RAB30: variants seen among roughly 807,000 people sequenced by gnomAD.
RAB30 encodes ras-related protein Rab-30.
RAB30 carries 9 observed loss-of-function variants against 25.1 expected under a neutral mutation model. The ratio of observed to expected loss-of-function variants is 0.36; its 90% CI spans 0.22 to 0.63. The LOEUF (loss-of-function observed/expected upper bound fraction) is 0.63, where lower values mean the gene tolerates loss of function less well. RAB30 is among the 20% of genes least tolerant of loss of function. RAB30 has a pLI of 0.69. For synonymous variants in RAB30, 77 were observed against 86.4 expected (o/e 0.89, Z 0.60); for missense variants, 140 against 243.5 (o/e 0.58, Z 2.83).
At chr11:83,012,478 T>C (rs1857326580) in intron 1 of RAB30, among the ~76,000 whole-genome samples, 1 of 152,210 alleles carries the variant, frequency 6.6e-6, no homozygotes, top group Non-Finnish European at 1.5e-5. Flanking sequence ...TCTTTCTGAA[T>C]GCTCTGAATG....
intron 1 of RAB30, among the ~76,000 whole-genome samples, chr11:83,010,838 A>G (rs941700514): frequency 1.3e-5 from 2 of 152,264 alleles, no homozygotes; most frequent in African/African-American, 4.8e-5. Context: ...AGAACTAGAA[A>G]CAATCAAAAT....
chr11:83,012,910 T>C (rs1028513983), intron 1 of RAB30, among the ~76,000 whole-genome samples: 2 of 152,074 alleles, frequency 1.3e-5, no homozygotes, highest in Non-Finnish European at 1.5e-5. Context: ...GACAGGTTCA[T>C]CCCTTCACAC....
intron 1 of RAB30, among the ~76,000 whole-genome samples, chr11:83,070,842 C>A (rs1858823144): frequency 6.6e-6 from 1 of 152,184 alleles, no homozygotes. Context: ...TTAAAATGAA[C>A]CCCTCTTCCC....
In RAB30 at chr11:82,980,689, A is replaced by G. The variant is rs1481186869; in HGVS notation, c.*1476T>C. 1 of 152,224 alleles carries G rather than the reference A, an allele frequency of 6.6e-6. No individual in the cohort carries two copies. Among genetic ancestry groups the G allele is most frequent in the Non-Finnish European group, 1.5e-5 (1 of 68,034 alleles). The allele number at this position is 152,224 out of a possible 1,614,324, so 9.4% of individuals were successfully genotyped here. ...TGAACAAATTGGAAGCTATCAAAGTATGGCACTGAAGAAAAAGAAACACAT... is the reference window on the plus strand; with the variant it reads ...TGAACAAATTGGAAGCTATCAAAGTGTGGCACTGAAGAAAAAGAAACACAT... On this transcript the variant is annotated 3_prime_UTR_variant, in exon 5 of 5. Transcript: ENST00000527633.
chr11:83,023,120 T>C (rs1857620116), intron 1 of RAB30, among the ~76,000 whole-genome samples: 1 of 152,178 alleles, frequency 6.6e-6, no homozygotes, highest in Non-Finnish European at 1.5e-5. Context: ...ATTTTTCTAA[T>C]AGTTGGGGGA....
intron 1 of RAB30, among the ~76,000 whole-genome samples, chr11:83,053,895 G>A (rs1208478828): frequency 6.6e-6 from 1 of 152,166 alleles, no homozygotes; most frequent in Non-Finnish European, 1.5e-5. Context: ...CCTGAGATCA[G>A]CATGGCCAAC....
At chr11:83,036,146 T>C (rs974736554) in intron 1 of RAB30, among the ~76,000 whole-genome samples, 2 of 150,692 alleles carry the variant, frequency 1.3e-5, no homozygotes, top group African/African-American at 4.9e-5. Flanking sequence ...ACACAGGAAG[T>C]GGCAAAGCTC....
intron 3 of RAB30, among the ~76,000 whole-genome samples, chr11:82,988,239 T>C (rs951801596): frequency 1.3e-5 from 2 of 152,300 alleles, no homozygotes; most frequent in African/African-American, 2.4e-5. Flanking sequence ...ATAGCCAATA[T>C]GTCCCAGAAC....
chr11:83,016,201 G>T (rs1372840397), intron 1 of RAB30, among the ~76,000 whole-genome samples: 3 of 152,210 alleles, frequency 2.0e-5, no homozygotes, highest in Non-Finnish European at 2.9e-5. Context: ...CAACATGAAG[G>T]CCACTGGTTG....
At chr11:82,996,924 A>G (rs763946291) in intron 2 of RAB30, among the ~76,000 whole-genome samples, 4 of 152,158 alleles carry the variant, frequency 2.6e-5, no homozygotes, top group East Asian at 1.9e-4. Context: ...CTTTTATCCA[A>G]TAATTTAGTT....
intron 1 of RAB30, among the ~76,000 whole-genome samples, chr11:83,003,351 C>T (rs1857126370): frequency 6.6e-6 from 1 of 152,222 alleles, no homozygotes; most frequent in South Asian, 2.1e-4. Flanking sequence ...CATCTATCAT[C>T]TCTTTCCCTA....
At chr11:83,038,560 C>T (rs1858036597) in intron 1 of RAB30, among the ~76,000 whole-genome samples, 1 of 152,124 alleles carries the variant, frequency 6.6e-6, no homozygotes, top group South Asian at 2.1e-4. Flanking sequence ...GTGGCGCACA[C>T]CTGTAATCCC....
intron 1 of RAB30, among the ~76,000 whole-genome samples, chr11:83,041,749 T>C (rs1197089542): frequency 6.6e-6 from 1 of 152,276 alleles, no homozygotes; most frequent in East Asian, 1.9e-4. Context: ...TTAAAAAGTT[T>C]TTAACCTAGG....
At chr11:83,010,114 T>C (rs1177381995) in intron 1 of RAB30, among the ~76,000 whole-genome samples, 1 of 151,818 alleles carries the variant, frequency 6.6e-6, no homozygotes, top group Non-Finnish European at 1.5e-5. Context: ...TATATACCAA[T>C]AGAGAAGGGC....
chr11:83,048,805 C>T (rs970747256), intron 1 of RAB30, among the ~76,000 whole-genome samples: 2 of 152,176 alleles, frequency 1.3e-5, no homozygotes, highest in East Asian at 1.9e-4. Context: ...CGTGGCTGCT[C>T]GCTGATGCCA....
intron 1 of RAB30, among the ~76,000 whole-genome samples, chr11:83,042,198 G>C (rs4943870): frequency 0.21 from 32,584 of 151,908 alleles, 4,184 homozygotes; most frequent in Admixed American, 0.28. Context: ...ATATACAATA[G>C]GTATCTAATG....
chr11:82,988,074 C>G (rs1005666841), intron 3 of RAB30, among the ~76,000 whole-genome samples: 4 of 152,028 alleles, frequency 2.6e-5, no homozygotes, highest in African/African-American at 9.7e-5. Flanking sequence ...ATTCGTCAAG[C>G]ATTTATTATG....
intron 1 of RAB30, among the ~76,000 whole-genome samples, chr11:83,012,585 A>G (rs1382067952): frequency 6.6e-6 from 1 of 152,136 alleles, no homozygotes; most frequent in Non-Finnish European, 1.5e-5. Context: ...TTCAATACCT[A>G]TCCTATGTGT....
At chr11:83,000,452 C>A (rs939506327) in intron 1 of RAB30, among the ~76,000 whole-genome samples, 2 of 152,152 alleles carry the variant, frequency 1.3e-5, no homozygotes, top group African/African-American at 4.8e-5. Context: ...AATTCAATAA[C>A]GCTATTAGAA....
Sources: gnomAD v4.1 joint callset for allele counts (sites outside exome capture counted in the v4.1 genomes callset) on GRCh38, gnomAD v4.1.1 for gene constraint, MANE v1.5 for transcripts, NCBI Gene and HGNC (gene_info 2026-07-23, HGNC 2026-07-21) for gene names.